The following TGFBRAP1 variants were observed in gnomAD, a reference collection of about 807,000 sequenced individuals.
TGFBRAP1 encodes transforming growth factor beta receptor associated protein 1.
Under a neutral mutation model 83.2 loss-of-function variants are expected in TGFBRAP1, and 20 were observed. That is an observed-to-expected ratio of 0.24 (90% CI 0.17 to 0.35). The LOEUF (loss-of-function observed/expected upper bound fraction) is 0.35. TGFBRAP1 is among the 10% of genes least tolerant of loss of function. The pLI is 1.00. For missense variants in TGFBRAP1, 950 were observed against 1,099.4 expected (o/e 0.86, Z 1.92); for synonymous variants, 415 against 459.8 (o/e 0.90, Z 1.25).
chr2:105,268,201 C>T (rs1223116649), intron 11 of TGFBRAP1, among the ~76,000 whole-genome samples: 1 of 152,178 alleles, frequency 6.6e-6, no homozygotes, highest in Non-Finnish European at 1.5e-5. Context: ...AGCAACTTAG[C>T]GATTCATCCT....
intron 2 of TGFBRAP1, among the ~76,000 whole-genome samples, chr2:105,306,060 TG>T (rs1337526829): frequency 4.3e-4 from 48 of 112,360 alleles, no homozygotes; most frequent in African/African-American, 1.4e-3. Context: ...TTTTGTTTTT[TG>T]TTTTTTGTTT....
chr2:105,267,510 T>A lies in TGFBRAP1; in HGVS notation c.2456A>T (p.Gln819Leu), dbSNP rs780497739. The A allele has an allele frequency of 6.2e-7, 1 of 1,614,240 alleles. No homozygotes were observed. The highest frequency in any genetic ancestry group is 8.5e-7 in the Non-Finnish European group (1 of 1,180,036). The stretch of plus-strand genomic sequence containing the variant: ...CTCACAAAAGGGATTTTGGCATATC[T>A]GACAAAGCTTTTTGTCTGAGAGTTG... ...SIQLSDKKLCQICQNPFCEPV... is the reference protein window; with the variant it reads ...SIQLSDKKLCLICQNPFCEPV... The change falls in exon 12 of 12, where the codon CAG becomes CTG. Residue 819 changes from glutamine (Q) to leucine (L), a missense_variant. By Grantham distance (113) the Gln-to-Leu change is moderately radical. Transcript: ENST00000393359.
chr2:105,329,706 C>T lies in TGFBRAP1; in HGVS notation c.-99G>A, dbSNP rs111606269. 76,953 of 146,628 alleles carry T rather than the reference C, an allele frequency of 0.52. 20,690 individuals carry two copies. Among genetic ancestry groups the T allele is most frequent in the East Asian group, 0.71 (3,550 of 4,972 alleles). 9.1% of individuals were successfully genotyped at this position (146,628 alleles called of 1,614,324 possible). ...CTCCGGCCCGCGGCTCCTGGGCTGG[C>T]CCGACCCCGCAGCCGCCGCTTCCCG... On this transcript the variant is annotated 5_prime_UTR_variant, in exon 1 of 12. Transcript: ENST00000393359.
At chr2:105,250,888 G>A in the TGFBRAP1 span, among the ~76,000 whole-genome samples, 3 of 152,230 alleles carry the variant, frequency 2.0e-5, no homozygotes, top group Non-Finnish European at 2.9e-5. Flanking sequence ...GCTCCTAACC[G>A]CGAGTGATCT....
Position 105,304,400 on chromosome 2 carries a change from G to A in TGFBRAP1, c.688+3214C>T, listed in dbSNP as rs533404804. ...ACAGTACAGAAATCCTCAATTTTCC[G>A]AAAAAAATGTGGCTGGGCTAAAGAA... On this transcript the variant is annotated intron_variant, in intron 2 of 11. Coordinates refer to ENST00000393359, the MANE Select transcript of TGFBRAP1 (RefSeq NM_004257.6). Among the ~76,000 whole-genome samples, 12 of 152,152 alleles carry A rather than the reference G, an allele frequency of 7.9e-5. No individual in the cohort carries two copies. In the South Asian group the frequency reaches 8.3e-4, roughly 11 times the overall value.
chr2:105,306,072 T>G (rs1678489339), intron 2 of TGFBRAP1, among the ~76,000 whole-genome samples: 1 of 150,814 alleles, frequency 6.6e-6, no homozygotes, highest in Non-Finnish European at 1.5e-5. Context: ...TTTTTTGTTT[T>G]TTTTTTTTTG....
chr2:105,319,547 T>G (rs1678992324), intron 1 of TGFBRAP1, among the ~76,000 whole-genome samples: 1 of 149,064 alleles, frequency 6.7e-6, no homozygotes, highest in African/African-American at 2.4e-5. Context: ...CAAAAATTAG[T>G]TGGGTGTGGT....
Position 105,275,521 on chromosome 2 carries a change from C to T in TGFBRAP1, c.1665+39G>A, listed in dbSNP as rs756628749. On this transcript the variant is annotated intron_variant, in intron 8 of 11. Coordinates refer to ENST00000393359, the MANE Select transcript of TGFBRAP1 (RefSeq NM_004257.6). ...CTTTTGGGGTCTGTTTTTACCACCT[C>T]CCCCAACCAAAGAGAATGCATTTTT... The T allele has an allele frequency of 3.7e-6, 6 of 1,609,530 alleles. No homozygotes were observed. In the South Asian group the frequency reaches 6.7e-5, roughly 18 times the overall value.
At chr2:105,258,876 C>T in the TGFBRAP1 span, among the ~76,000 whole-genome samples, 1 of 152,198 alleles carries the variant, frequency 6.6e-6, no homozygotes, top group Admixed American at 6.5e-5. Context: ...CTGACCTTCC[C>T]TGTCGGTTGC....
At chr2:105,305,119 G>A (rs571717365) in intron 2 of TGFBRAP1, among the ~76,000 whole-genome samples, 1 of 152,280 alleles carries the variant, frequency 6.6e-6, no homozygotes, top group African/African-American at 2.4e-5. Flanking sequence ...TGTGGATAAC[G>A]GGAGGGCAGG....
chr2:105,253,936 T>C, the TGFBRAP1 span, among the ~76,000 whole-genome samples: 183 of 152,336 alleles, frequency 1.2e-3, 1 homozygote, highest in African/African-American at 4.1e-3. Context: ...GCCCGGTTTT[T>C]ATCTTTGTTT....
At chr2:105,323,370 C>T (rs553110011) in intron 1 of TGFBRAP1, among the ~76,000 whole-genome samples, 1 of 152,266 alleles carries the variant, frequency 6.6e-6, no homozygotes, top group Non-Finnish European at 1.5e-5. Flanking sequence ...TCTATCTCTG[C>T]GACCCCTTGG....
chr2:105,255,241 A>G, the TGFBRAP1 span, among the ~76,000 whole-genome samples: 9 of 152,170 alleles, frequency 5.9e-5, no homozygotes, highest in African/African-American at 2.2e-4. Flanking sequence ...TGCTGACCCT[A>G]GAGGACAGAC....
At position 105,308,188 on chromosome 2, in the gene TGFBRAP1, G is replaced by A. The variant is rs553248565; in HGVS notation, c.114C>T (p.Tyr38=). The change falls in exon 2 of 12, where the codon TAC becomes TAT. Residue 38 remains tyrosine (Y), a synonymous_variant. Coordinates refer to ENST00000393359, the MANE Select transcript of TGFBRAP1 (RefSeq NM_004257.6). ...AGACGAAGCAGTCGTTGGTGCCCAC[G>A]TAGAGGTCCCTGCCGCAGCACTCCA... is the stretch of plus-strand genomic sequence containing the variant. ...ECVECCGRDL[Y]VGTNDCFVYH... The A allele has an allele frequency of 3.9e-5, 63 of 1,614,210 alleles. 2 individuals are homozygous for A. Among genetic ancestry groups the A allele is most frequent in the Admixed American group, 3.7e-4 (22 of 60,016 alleles).
chr2:105,297,822 G>A (rs564367747), intron 3 of TGFBRAP1, among the ~76,000 whole-genome samples: 6 of 152,276 alleles, frequency 3.9e-5, no homozygotes, highest in South Asian at 2.1e-4. Flanking sequence ...TATCTTCCTC[G>A]TACTTTCAAA....
At position 105,308,215 on chromosome 2, in the gene TGFBRAP1, G is replaced by A. The variant is rs760996225; in HGVS notation, c.87C>T (p.Cys29=). 5 of 1,614,086 alleles carry A rather than the reference G, an allele frequency of 3.1e-6. No homozygotes were observed. Among genetic ancestry groups the A allele is most frequent in the East Asian group, 2.2e-5 (1 of 44,882 alleles). Residue 29 remains cysteine, a synonymous_variant, in exon 2 of 12, where the codon TGC becomes TGT. Transcript: ENST00000393359. ...AGAGGTCCCTGCCGCAGCACTCCAC[G>A]CACTCTATGTTGACGCGCTCCTTGT... ...MGDKERVNIE[C]VECCGRDLYV...
At position 105,277,205 on chromosome 2, in the gene TGFBRAP1, T is replaced by C. The variant is rs141162198; in HGVS notation, c.1521+409A>G. Among the ~76,000 whole-genome samples the C allele has an allele frequency of 5.2e-4, 79 of 152,312 alleles. 4 individuals carry two copies. In the East Asian group the frequency reaches 0.015, roughly 29 times the overall value. On this transcript the variant is annotated intron_variant, in intron 7 of 11. Transcript: ENST00000393359. ...CTGGCATGCATCAGCTTTGGTTTTG[T>C]CACAGGTGACACAAGGATAATAATG...
At chr2:105,306,039 G>A (rs193221928) in intron 2 of TGFBRAP1, among the ~76,000 whole-genome samples, 10 of 149,008 alleles carry the variant, frequency 6.7e-5, no homozygotes, top group Admixed American at 6.1e-4. Context: ...CCCTTACGGA[G>A]TTTTCTGGTT....
Position 105,307,900 on chromosome 2 carries a change from G to A in TGFBRAP1, c.402C>T (p.Phe134=), listed in dbSNP as rs371925281. The change falls in exon 2 of 12, where the codon TTC becomes TTT. Residue 134 remains phenylalanine (F), a synonymous_variant. Coordinates refer to ENST00000393359, the MANE Select transcript of TGFBRAP1 (RefSeq NM_004257.6). ...CAGAGATGATGCAAACTTCTACACA[G>A]AAGGGGTCCCCACTCACAGGGTTCT... is the stretch of plus-strand genomic sequence containing the variant. ...LNENPVSGDP[F]CVEVCIISVK... The A allele has an allele frequency of 9.2e-5, 149 of 1,614,216 alleles. No homozygotes were observed. In the South Asian group the frequency reaches 1.4e-3, roughly 16 times the overall value.
Sources: allele counts gnomAD v4.1 joint callset (sites outside exome capture counted in the v4.1 genomes callset), GRCh38; gene constraint gnomAD v4.1.1; transcripts MANE v1.5; gene names NCBI Gene and HGNC (gene_info 2026-07-23, HGNC 2026-07-21).